The following PTK2 variants were observed in gnomAD, a reference collection of about 807,000 sequenced individuals.
PTK2 encodes the protein protein tyrosine kinase 2.
A neutral mutation model predicts 150.1 loss-of-function variants in PTK2; 45 were observed. That is an observed-to-expected ratio of 0.30 (90% CI 0.24 to 0.38). The LOEUF (loss-of-function observed/expected upper bound fraction) is 0.38. PTK2 is among the 10% of genes least tolerant of loss of function. PTK2 has a pLI of 1.00. For synonymous variants in PTK2, 432 were observed against 449.2 expected, an observed-to-expected ratio of 0.96 and a Z score of 0.48; for missense variants, 919 against 1,307.3, an observed-to-expected ratio of 0.70 and a Z score of 4.58.
intron 14 of PTK2, among the ~76,000 whole-genome samples, chr8:140,768,030 G>A (rs1236558304): frequency 1.3e-5 from 2 of 152,012 alleles, no homozygotes; most frequent in African/African-American, 4.8e-5. Flanking sequence ...AAGTTCAAAG[G>A]CCTGGGCACA....
intron 1 of PTK2, among the ~76,000 whole-genome samples, chr8:140,965,962 C>T (rs866989703): frequency 6.6e-6 from 1 of 152,226 alleles, no homozygotes; most frequent in Non-Finnish European, 1.5e-5. Context: ...AACTTAAGCA[C>T]TATTAATTAA....
At chr8:140,975,137 G>A (rs372880323) in intron 1 of PTK2, among the ~76,000 whole-genome samples, 2 of 152,054 alleles carry the variant, frequency 1.3e-5, no homozygotes, top group Non-Finnish European at 2.9e-5. Context: ...TACTAAATTC[G>A]ACCTCTGAAC....
chr8:140,772,274 C>A (rs368165748), intron 14 of PTK2, among the ~76,000 whole-genome samples: 5 of 152,122 alleles, frequency 3.3e-5, no homozygotes, highest in East Asian at 1.9e-4. Flanking sequence ...CAAAAAAATT[C>A]AAAAATTAGC....
intron 1 of PTK2, among the ~76,000 whole-genome samples, chr8:140,929,547 C>A (rs2100170971): frequency 1.3e-5 from 2 of 152,068 alleles, no homozygotes. Context: ...CTAATATCAT[C>A]ATTTTCAAGA....
At chr8:140,982,219 T>C (rs1451214529) in intron 1 of PTK2, among the ~76,000 whole-genome samples, 3 of 152,176 alleles carry the variant, frequency 2.0e-5, no homozygotes, top group African/African-American at 4.8e-5. Flanking sequence ...TCCAAGTCTG[T>C]GGAGAGTCCC....
At chr8:140,889,645 A>C (rs1455592049) in intron 3 of PTK2, among the ~76,000 whole-genome samples, 1 of 151,884 alleles carries the variant, frequency 6.6e-6, no homozygotes, top group Non-Finnish European at 1.5e-5. Context: ...AAAAAAAGAA[A>C]GAAAAGAAAA....
intron 28 of PTK2, 112 bp from the exon 32 acceptor site, chr8:140,674,516 G>T: frequency 1.1e-6 from 1 of 884,622 alleles, no homozygotes; most frequent in Non-Finnish European, 1.8e-6. Flanking sequence ...GAAGCGGGCA[G>T]ATCACCTGAG....
chr8:140,744,790 A>T (rs1250146341), intron 18 of PTK2, 23 bp from the exon 22 acceptor site: 572 of 417,630 alleles, frequency 1.4e-3, no homozygotes, highest in Non-Finnish European at 1.8e-3. Context: ...TGACCAAAAG[A>T]AAAAAAAAAA....
chr8:140,823,343 A>G (rs983613056), intron 8 of PTK2, among the ~76,000 whole-genome samples: 8 of 152,230 alleles, frequency 5.3e-5, no homozygotes, highest in African/African-American at 9.6e-5. Flanking sequence ...CTGCTGGTTT[A>G]TATATAAATT....
intron 29 of PTK2, chr8:140,669,194 T>C (rs2094152225): frequency 6.6e-6 from 1 of 151,750 alleles, no homozygotes; most frequent in Admixed American, 6.6e-5. Flanking sequence ...CAACAAATGT[T>C]ACTAAGATAA....
In PTK2 at chr8:140,770,908, T is replaced by C. The variant is rs2100075125; in HGVS notation, c.1178-6618A>G. 4 of 346,870 alleles carry C rather than the reference T, an allele frequency of 1.2e-5. 1 individual carries two copies. The South Asian group carries it at 1.8e-4, about 16-fold the overall frequency. The allele number at this position is 346,870 out of a possible 1,614,324, so 21.5% of individuals were successfully genotyped here. A position where few individuals can be genotyped will look rare whatever the true frequency, so the allele number is the denominator to read the frequency against. On this transcript the variant is annotated intron_variant, in intron 14 of 31. Coordinates refer to ENST00000522684, the Ensembl canonical transcript of PTK2. ...CTTATCTATAAAAACAGATACAAAA[T>C]TGCAATGCTTTTATTTTGACTATTG...
At chr8:140,844,147 T>C (rs1469131758) in intron 7 of PTK2, among the ~76,000 whole-genome samples, 1 of 152,198 alleles carries the variant, frequency 6.6e-6, no homozygotes, top group African/African-American at 2.4e-5. Flanking sequence ...GCCACAGAGG[T>C]AAAGTGCCTT....
chr8:140,935,832 G>A (rs1440479316), intron 1 of PTK2, among the ~76,000 whole-genome samples: 1 of 150,856 alleles, frequency 6.6e-6, no homozygotes, highest in Non-Finnish European at 1.5e-5. Flanking sequence ...CACCACACCT[G>A]GCTAATTTTT....
intron 1 of PTK2, among the ~76,000 whole-genome samples, chr8:140,962,293 G>C (rs2100183569): frequency 7.0e-6 from 1 of 143,630 alleles, no homozygotes; most frequent in South Asian, 2.3e-4. Flanking sequence ...GGGAGGAAGG[G>C]AGGGAGGGAG....
intron 1 of PTK2, among the ~76,000 whole-genome samples, chr8:140,963,270 A>C (rs1051338646): frequency 1.3e-5 from 2 of 152,174 alleles, no homozygotes; most frequent in Admixed American, 1.3e-4. Flanking sequence ...CAGTCCTCAA[A>C]ATAACCTCTC....
intron 10 of PTK2, among the ~76,000 whole-genome samples, chr8:140,815,573 TA>T (rs111864663): frequency 1.3e-5 from 2 of 151,536 alleles, no homozygotes; most frequent in Non-Finnish European, 2.9e-5. Flanking sequence ...AAAGTTTTTT[TA>T]AAAAAAAATC....
At position 140,703,935 on chromosome 8, in the gene PTK2, C is replaced by G. The variant is rs1411426477; in HGVS notation, c.2230-1228G>C. 2.6e-5 allele frequency among the ~76,000 whole-genome samples: 4 copies of G among 152,142 alleles called. No individual in the cohort carries two copies. The South Asian group carries it at 6.2e-4, about 24-fold the overall frequency. On this transcript the variant is annotated intron_variant, in intron 24 of 31. Coordinates refer to ENST00000522684, the Ensembl canonical transcript of PTK2. The stretch of plus-strand genomic sequence containing the variant: ...ACCGTATTTCCAAATATCAACACAT[C>G]CTTCAACAAAGGTTTTGTGCATTTA...
Position 140,846,374 on chromosome 8 carries a change from T to C in PTK2, c.531-52A>G, listed in dbSNP as rs936366230. On this transcript the variant is annotated intron_variant, in intron 6 of 31. Coordinates refer to ENST00000522684, the Ensembl canonical transcript of PTK2. ...TATGTATATATAAGGAATGTTTGTG[T>C]TGTTAAGTGATAAAAACTGGGGGAG... The C allele has an allele frequency of 7.1e-6, 11 of 1,557,252 alleles. No individual in the cohort carries two copies. In the East Asian group the frequency reaches 1.1e-4, roughly 16 times the overall value.
intron 13 of PTK2, among the ~76,000 whole-genome samples, chr8:140,792,145 G>A (rs1458315454): frequency 2.0e-5 from 3 of 152,186 alleles, no homozygotes; most frequent in African/African-American, 7.2e-5. Context: ...CTGGGAACTT[G>A]GATTTTCGCA....
Sources: gnomAD v4.1 joint callset for allele counts (sites outside exome capture counted in the v4.1 genomes callset) on GRCh38, gnomAD v4.1.1 for gene constraint, MANE v1.5 for transcripts, NCBI Gene and HGNC (gene_info 2026-07-23, HGNC 2026-07-21) for gene names.